The following LHPP variants were observed in gnomAD, a reference collection of about 807,000 sequenced individuals.
The protein encoded by LHPP is phospholysine phosphohistidine inorganic pyrophosphate phosphatase.
In LHPP, 24 loss-of-function variants were observed where a neutral mutation model predicts 30.3. The observed-to-expected ratio is 0.79, with a 90% confidence interval of 0.57 to 1.11. LHPP has a LOEUF of 1.11. LHPP is among the 50% of genes most tolerant of loss of function. The pLI, the probability that LHPP is intolerant of heterozygous loss-of-function variation, is 0.00. For synonymous variants in LHPP, 150 were observed against 157.1 expected, an observed-to-expected ratio of 0.95 and a Z score of 0.34; for missense variants, 356 against 367.2, an observed-to-expected ratio of 0.97 and a Z score of 0.25.
chr10:124,545,816 T>G (rs1955324063), intron 6 of LHPP, among the ~76,000 whole-genome samples: 1 of 152,200 alleles, frequency 6.6e-6, no homozygotes, highest in Non-Finnish European at 1.5e-5. Context: ...AGGCCGACGC[T>G]GTCATTCTGC....
intron 1 of LHPP, among the ~76,000 whole-genome samples, chr10:124,483,705 T>C (rs1236016745): frequency 6.6e-6 from 1 of 151,940 alleles, no homozygotes; most frequent in East Asian, 1.9e-4. Context: ...TGCAGTGAGC[T>C]GAGATCATGC....
chr10:124,559,761 G>A lies in LHPP; in HGVS notation c.716+42490G>A, dbSNP rs75864150. On this transcript the variant is annotated intron_variant, in intron 6 of 6. Coordinates refer to ENST00000368842, the MANE Select transcript of LHPP (RefSeq NM_022126.4). ...GGAGATCAGTTCTTGGAAGTGCTGG[G>A]TTTTCCTGCATCTTTGGTCCTTTGG... 9.1e-3 allele frequency among the ~76,000 whole-genome samples: 1,382 copies of A among 152,374 alleles called. 14 individuals are homozygous for A. Among genetic ancestry groups the A allele is most frequent in the African/African-American group, 0.022 (920 of 41,598 alleles).
In LHPP at chr10:124,496,992, C is replaced by G; in HGVS notation, c.499C>G (p.Leu167Val). 1 of 1,614,152 alleles carries G rather than the reference C, an allele frequency of 6.2e-7. No homozygotes were observed. Among genetic ancestry groups the G allele is most frequent in the African/African-American group, 1.3e-5 (1 of 75,078 alleles). The change falls in exon 4 of 7, where the codon CTG becomes GTG. Residue 167 changes from leucine (L) to valine (V), a missense_variant. Transcript: ENST00000368842. The surrounding 1 kb of genome is among the most constrained non-coding windows in gnomAD (Gnocchi z 4.3). Reference sequence around the variant, plus strand: ...CTACAAGGAGACCTCTGGCCTGATGCTGGACGTTGGTCCCTACATGAAGGC... The same window carrying G: ...CTACAAGGAGACCTCTGGCCTGATGGTGGACGTTGGTCCCTACATGAAGGC... Reference protein sequence around the residue: ...RYYKETSGLMLDVGPYMKALE... With the variant: ...RYYKETSGLMVDVGPYMKALE...
intron 3 of LHPP, among the ~76,000 whole-genome samples, chr10:124,491,919 C>T (rs1953543661): frequency 6.6e-6 from 1 of 152,064 alleles, no homozygotes. Context: ...AGCAAGACTC[C>T]ATCTCGAAAA....
intron 6 of LHPP, among the ~76,000 whole-genome samples, chr10:124,556,411 A>G (rs1356960117): frequency 1.3e-5 from 2 of 152,216 alleles, no homozygotes; most frequent in Admixed American, 6.5e-5. Context: ...CATCCTAAAC[A>G]GTCCCTTAGT....
At chr10:124,571,061 C>T (rs181939773) in intron 6 of LHPP, among the ~76,000 whole-genome samples, 6 of 152,322 alleles carry the variant, frequency 3.9e-5, no homozygotes, top group Admixed American at 6.5e-5. Context: ...GCCCTGCACA[C>T]GCTCTCTTCT....
chr10:124,481,463 A>T (rs1238376397), intron 1 of LHPP, among the ~76,000 whole-genome samples: 4 of 131,098 alleles, frequency 3.1e-5, no homozygotes, highest in Non-Finnish European at 6.2e-5. Flanking sequence ...TGTGACCTCC[A>T]CCTCCTGGGT....
At chr10:124,550,073 T>C (rs1219911512) in intron 6 of LHPP, among the ~76,000 whole-genome samples, 2 of 152,220 alleles carry the variant, frequency 1.3e-5, no homozygotes, top group African/African-American at 2.4e-5. Flanking sequence ...GCCCAGGGGT[T>C]AGAGAACTAA....
At chr10:124,508,809 G>A (rs1183281376) in intron 5 of LHPP, among the ~76,000 whole-genome samples, 1 of 151,980 alleles carries the variant, frequency 6.6e-6, no homozygotes, top group African/African-American at 2.4e-5. Context: ...CACAAAATTG[G>A]GATAATCTTG....
chr10:124,584,466 G>A (rs1336443561), intron 6 of LHPP, among the ~76,000 whole-genome samples: 4 of 152,090 alleles, frequency 2.6e-5, no homozygotes, highest in Non-Finnish European at 5.9e-5. Flanking sequence ...TCTGGTGAGT[G>A]CTACTCTGTG....
chr10:124,584,811 T>TC (rs1310725529), intron 6 of LHPP, among the ~76,000 whole-genome samples: 1 of 152,222 alleles, frequency 6.6e-6, no homozygotes, highest in African/African-American at 2.4e-5. Flanking sequence ...GTATCATTAA[T>TC]CCAAAAATCT....
At chr10:124,587,753 A>C (rs1365605165) in intron 6 of LHPP, among the ~76,000 whole-genome samples, 1 of 150,644 alleles carries the variant, frequency 6.6e-6, no homozygotes, top group Non-Finnish European at 1.5e-5. Context: ...AAAAAAAAAA[A>C]AAAAAAAAAA....
At chr10:124,552,715 C>T (rs527794081) in intron 6 of LHPP, among the ~76,000 whole-genome samples, 1 of 152,292 alleles carries the variant, frequency 6.6e-6, no homozygotes, top group South Asian at 2.1e-4. Context: ...CCCCTACCTC[C>T]AAATTCCCCA....
In LHPP at chr10:124,510,918, C is replaced by T. The variant is rs548031330; in HGVS notation, c.625-6262C>T. On this transcript the variant is annotated intron_variant, in intron 5 of 6. Transcript: ENST00000368842. The surrounding 1 kb of genome is among the most constrained non-coding windows in gnomAD (Gnocchi z 4.0). ...ATGCCAGCAGCCGTGGGGGCTTGCCCGGCCAGCCCTGGCTTTTCCCAACCC... is the reference window on the plus strand; with the variant it reads ...ATGCCAGCAGCCGTGGGGGCTTGCCTGGCCAGCCCTGGCTTTTCCCAACCC... Among the ~76,000 whole-genome samples the T allele has an allele frequency of 8.5e-5, 13 of 152,312 alleles. No homozygotes were observed. The highest frequency in any genetic ancestry group is 4.1e-4 in the South Asian group (2 of 4,832).
intron 1 of LHPP, among the ~76,000 whole-genome samples, chr10:124,466,090 G>T (rs1375531444): frequency 4.6e-5 from 7 of 152,156 alleles, no homozygotes; most frequent in African/African-American, 1.2e-4. Context: ...GTCATTCCTG[G>T]CAATGCCTTT....
intron 1 of LHPP, among the ~76,000 whole-genome samples, chr10:124,474,652 T>A (rs11245087): frequency 0.26 from 38,843 of 151,698 alleles, 5,512 homozygotes; most frequent in East Asian, 0.59. Context: ...AAACCACAGG[T>A]CCCATCTCCA....
intron 5 of LHPP, among the ~76,000 whole-genome samples, chr10:124,509,798 C>G (rs1954254858): frequency 6.6e-6 from 1 of 152,144 alleles, no homozygotes; most frequent in Non-Finnish European, 1.5e-5. Context: ...CTCACTCCAC[C>G]TTCACCACCC....
At chr10:124,526,844 T>TGGTGGGGA (rs1325230252) in intron 6 of LHPP, among the ~76,000 whole-genome samples, 2 of 152,102 alleles carry the variant, frequency 1.3e-5, no homozygotes, top group African/African-American at 4.8e-5. Context: ...CTCCAGTGTG[T>TGGTGGGGA]GGTGGGGAGG....
rs935971005 is a variant in LHPP at position 124,611,723 on chromosome 10, CT to C, written c.717-1540del. ...AGAACCCTTAAAAGAAAAAGCCCCC[CT>C]GCCCATGACAGTCATTTTAGGGTCA... On this transcript the variant is annotated intron_variant, in intron 6 of 6. Transcript: ENST00000368842. 3.9e-5 allele frequency among the ~76,000 whole-genome samples: 6 copies of C among 152,156 alleles called. No individual in the cohort carries two copies. The South Asian group carries it at 1.0e-3, about 26-fold the overall frequency.
Sources: gnomAD v4.1 joint callset for allele counts (sites outside exome capture counted in the v4.1 genomes callset) on GRCh38, gnomAD v4.1.1 for gene constraint, Gnocchi (gnomAD v3.1) non-coding constraint, MANE v1.5 for transcripts, NCBI Gene and HGNC (gene_info 2026-07-23, HGNC 2026-07-21) for gene names.